Variants in CARD8 observed in about 807,000 individuals in gnomAD.
The protein encoded by CARD8 is caspase recruitment domain family member 8.
A neutral mutation model predicts 53.2 loss-of-function variants in CARD8; 38 were observed. The observed-to-expected ratio is 0.71, with a 90% CI of 0.55 to 0.94. The LOEUF (loss-of-function observed/expected upper bound fraction) is 0.94, where lower values mean the gene tolerates loss of function less well. CARD8 is among the 40% of genes least tolerant of loss of function. The pLI is 0.00. For synonymous variants in CARD8, 245 were observed against 244.9 expected, an observed-to-expected ratio of 1.00 and a Z score of 0.00; for missense variants, 561 against 655.5, an observed-to-expected ratio of 0.86 and a Z score of 1.57.
chr19:48,218,298 T>C (rs919578137), intron 12 of CARD8, among the ~76,000 whole-genome samples: 1 of 151,966 alleles, frequency 6.6e-6, no homozygotes, highest in South Asian at 2.1e-4. Context: ...TTGCTGCACC[T>C]ATCAAATCAT....
rs2037847064 is a variant in CARD8 at position 48,210,776 on chromosome 19, A to T, written c.*934T>A. 6.6e-6 allele frequency: 1 copy of T among 152,292 alleles called. No individual in the cohort carries two copies. The highest frequency in any genetic ancestry group is 2.4e-5 in the African/African-American group (1 of 41,454). 9.4% of individuals were successfully genotyped at this position (152,292 alleles called of 1,614,324 possible). On this transcript the variant is annotated 3_prime_UTR_variant, in exon 14 of 14. Coordinates refer to ENST00000651546, the MANE Select transcript of CARD8 (RefSeq NM_001184900.3). ...TCAAAATACACCATAAAAAAAACTG[A>T]CTCAACCAGATGGTGTCTACTAGGA...
chr19:48,231,546 G>A (rs1489824914), intron 8 of CARD8, 114 bp downstream of exon 8: 19 of 1,028,700 alleles, frequency 1.8e-5, no homozygotes, highest in East Asian at 7.3e-5. Context: ...CTTGTGATCC[G>A]CCCTCCTCCA....
chr19:48,238,459 C>G lies in CARD8; in HGVS notation c.133G>C (p.Asp45His). 1 of 1,536,268 alleles carries G rather than the reference C, an allele frequency of 6.5e-7. No homozygotes were observed. The highest frequency in any genetic ancestry group is 8.7e-7 in the Non-Finnish European group (1 of 1,146,920). The change falls in exon 5 of 14, where the codon GAC (aspartate) becomes CAC (histidine). Residue 45 changes from aspartate (D) to histidine (H), a missense_variant. Coordinates refer to ENST00000651546, the MANE Select transcript of CARD8 (RefSeq NM_001184900.3). ...RLQGSRKLLV[D>H]NSIRELQYTK... ...TATTGCAGTTCCCGTATGCTATTGT[C>G]AACCAACAGTTTCCGTGATCCTTGT...
intron 3 of CARD8, among the ~76,000 whole-genome samples, chr19:48,243,857 C>T (rs140715886): frequency 1.2e-4 from 18 of 152,210 alleles, no homozygotes; most frequent in Non-Finnish European, 2.4e-4. Context: ...TTTCAAGAAA[C>T]GAAATGGAAT....
rs1347170 is a variant in CARD8 at position 48,210,693 on chromosome 19, A to G, written c.*1017T>C. 1.3e-5 allele frequency: 2 copies of G among 151,908 alleles called. No individual in the cohort carries two copies. Among genetic ancestry groups the G allele is most frequent in the African/African-American group, 4.8e-5 (2 of 41,328 alleles). The allele number at this position is 151,908 out of a possible 1,614,324, so 9.4% of individuals were successfully genotyped here. A position where few individuals can be genotyped will look rare whatever the true frequency, so the allele number is the denominator to read the frequency against. Reference sequence around the variant, plus strand: ...TGAGGATAAATCCTAACATATTAATAATTACATTAACGTAAGTAATTGAAA... The same window carrying G: ...TGAGGATAAATCCTAACATATTAATGATTACATTAACGTAAGTAATTGAAA... On this transcript the variant is annotated 3_prime_UTR_variant, in exon 14 of 14. Coordinates refer to ENST00000651546, the MANE Select transcript of CARD8 (RefSeq NM_001184900.3).
At chr19:48,204,183 T>A (rs1021222668), downstream of CARD8, 1 of 455,938 alleles carries the variant, frequency 2.2e-6, no homozygotes, top group South Asian at 1.5e-5. Flanking sequence ...TCGGTCTCCA[T>A]GGTTACGAGC....
intron 3 of CARD8, among the ~76,000 whole-genome samples, chr19:48,249,054 G>A (rs985344183): frequency 2.0e-5 from 3 of 152,022 alleles, no homozygotes; most frequent in South Asian, 2.1e-4. Context: ...AAAATTAGTC[G>A]TGCGTGGTGG....
At chr19:48,241,991 CCCACAGGCACGCACACCCAG>C (rs1171425510) in intron 3 of CARD8, among the ~76,000 whole-genome samples, 1 of 152,150 alleles carries the variant, frequency 6.6e-6, no homozygotes, top group African/African-American at 2.4e-5. Flanking sequence ...CTCCCCATTC[CCCACAGGCACGCACACCCAG>C]CCACAGGCAC....
At chr19:48,250,615 A>C (rs952065380) in intron 1 of CARD8, among the ~76,000 whole-genome samples, 1 of 152,204 alleles carries the variant, frequency 6.6e-6, no homozygotes, top group African/African-American at 2.4e-5. Context: ...ATGTCCCCTG[A>C]TGCCAGCATG....
At chr19:48,251,472 CA>C (rs1414396628) in intron 1 of CARD8, among the ~76,000 whole-genome samples, 3 of 152,090 alleles carry the variant, frequency 2.0e-5, no homozygotes, top group Non-Finnish European at 4.4e-5. Flanking sequence ...TCTGGATCAC[CA>C]ACATGCTAAT....
chr19:48,204,287 T>G (rs1399722650), downstream of CARD8: 1 of 433,082 alleles, frequency 2.3e-6, no homozygotes, highest in African/African-American at 2.0e-5. Flanking sequence ...GCGGGAGAAA[T>G]TAGACTAACA....
chr19:48,241,595 C>G (rs1357165529), intron 3 of CARD8, among the ~76,000 whole-genome samples: 3 of 152,124 alleles, frequency 2.0e-5, no homozygotes, highest in Non-Finnish European at 4.4e-5. Context: ...GGCCCTGGGT[C>G]TGCAAGTTAA....
At chr19:48,233,229 C>T in intron 6 of CARD8, 1 of 418,866 alleles carries the variant, frequency 2.4e-6, no homozygotes, top group East Asian at 7.1e-5. Context: ...GCCAATGGTT[C>T]GTCATGCCTC....
chr19:48,231,890 C>T, intron 7 of CARD8, 80 bp from the exon 8 acceptor site: 1 of 1,256,936 alleles, frequency 8.0e-7, no homozygotes, highest in East Asian at 2.3e-5. Flanking sequence ...GGCTGAATTG[C>T]ACAGGTGCTG....
intron 10 of CARD8, among the ~76,000 whole-genome samples, chr19:48,222,090 G>A (rs967577093): frequency 6.6e-6 from 1 of 152,244 alleles, no homozygotes; most frequent in Admixed American, 6.5e-5. Flanking sequence ...AGATATCTCA[G>A]GGCCAAAGGA....
intron 11 of CARD8, among the ~76,000 whole-genome samples, chr19:48,220,574 A>C (rs1286252146): frequency 6.6e-6 from 1 of 152,174 alleles, no homozygotes; most frequent in Non-Finnish European, 1.5e-5. Context: ...TGTGCTGGAC[A>C]ACCTCATCTT....
rs1429744242 is a variant in CARD8 at position 48,230,884 on chromosome 19, A to G, written c.665T>C (p.Leu222Pro). 4 of 1,614,086 alleles carry G rather than the reference A, an allele frequency of 2.5e-6. No individual in the cohort carries two copies. The highest frequency in any genetic ancestry group is 1.6e-4 in the Middle Eastern group (1 of 6,084). ...CACCAGCCACTGTTCATGGTGCTGC[A>G]GGTCCAGGGCCAGGTGCTGACTCCA... ...GSWSQHLALD[L>P]QHHEQWLVGG... is the part of the protein sequence containing the mutation. Residue 222 changes from leucine (L) to proline (P), a missense_variant, in exon 9 of 14, where the codon CTG (leucine) becomes CCG (proline). Physicochemically the swap from Leu to Pro is moderately conservative, Grantham distance 98. Coordinates refer to ENST00000651546, the MANE Select transcript of CARD8 (RefSeq NM_001184900.3).
At chr19:48,240,819 T>C in intron 4 of CARD8, 143 bp downstream of exon 4, 1 of 709,786 alleles carries the variant, frequency 1.4e-6, no homozygotes, top group Non-Finnish European at 2.3e-6. Flanking sequence ...TTCCCTTCAT[T>C]CATGCAGAGA....
Position 48,230,452 on chromosome 19 carries a change from C to T in CARD8, c.1021G>A (p.Ala341Thr), listed in dbSNP as rs773369968. The change falls in exon 10 of 14, where the codon GCC becomes ACC. Residue 341 changes from alanine (A) to threonine (T), a missense_variant. Coordinates refer to ENST00000651546, the MANE Select transcript of CARD8 (RefSeq NM_001184900.3). ...ACTCAGCTTACCTTTGTTAGCAAGG[C>T]GTCGCTGGGGACAAGGTACAAGTGG... ...KFHLYLVPSD[A>T]LLTKAIDDEE... 6 of 1,606,306 alleles carry T rather than the reference C, an allele frequency of 3.7e-6. No individual in the cohort carries two copies. The highest frequency in any genetic ancestry group is 1.1e-5 in the South Asian group (1 of 90,188).
Sources: gnomAD v4.1 joint callset for allele counts (sites outside exome capture counted in the v4.1 genomes callset) on GRCh38, gnomAD v4.1.1 for gene constraint, MANE v1.5 for transcripts, NCBI Gene and HGNC (gene_info 2026-07-23, HGNC 2026-07-21) for gene names.